BIN3: variants seen among roughly 807,000 people sequenced by gnomAD.
BIN3 encodes bridging integrator 3.
Under a neutral mutation model 38.2 loss-of-function variants are expected in BIN3, and 41 were observed. The observed-to-expected ratio is 1.07, with a 90% CI of 0.84 to 1.39. The LOEUF is 1.39. Ranked by LOEUF, BIN3 falls within the 40% of genes most tolerant of loss-of-function variation. BIN3 has a pLI of 0.00. For missense variants in BIN3, 361 were observed against 324.3 expected, an observed-to-expected ratio of 1.11 and a Z score of -0.87; for synonymous variants, 145 against 122.6, an observed-to-expected ratio of 1.18 and a Z score of -1.21.
chr8:22,627,371 T>C (rs1381211414), intron 6 of BIN3, among the ~76,000 whole-genome samples: 1 of 152,110 alleles, frequency 6.6e-6, no homozygotes, highest in African/African-American at 2.4e-5. Flanking sequence ...TGAGGCCCCA[T>C]CTCCCCGTTT....
Position 22,624,303 on chromosome 8 carries a change from C to T in BIN3, c.399G>A (p.Gln133=), listed in dbSNP as rs1585175952. The T allele has an allele frequency of 1.2e-6, 2 of 1,613,966 alleles. No homozygotes were observed. Among genetic ancestry groups the T allele is most frequent in the South Asian group, 1.1e-5 (1 of 91,082 alleles). ...CCTTGGCCTGCAGCCTCCTGTAGTC[C>T]TGCAAGGCCTGTTCCCGCCTCTTCA... ...MAVKRREQAL[Q]DYRRLQAKVE... The change falls in exon 7 of 9, where the codon CAG becomes CAA. Residue 133 remains glutamine, a synonymous_variant. Transcript: ENST00000276416.
intron 1 of BIN3, among the ~76,000 whole-genome samples, chr8:22,653,839 T>G (rs1293093432): frequency 6.9e-6 from 1 of 145,370 alleles, no homozygotes; most frequent in African/African-American, 2.5e-5. Context: ...TTTGTAAGTT[T>G]CACACCTTAA....
At chr8:22,631,146 A>G (rs367797600) in intron 4 of BIN3, among the ~76,000 whole-genome samples, 2 of 152,192 alleles carry the variant, frequency 1.3e-5, no homozygotes, top group East Asian at 1.9e-4. Flanking sequence ...GGCTGTTTCA[A>G]TAAAACTTTA....
chr8:22,657,174 A>G (rs1201066932), intron 1 of BIN3, among the ~76,000 whole-genome samples: 1 of 152,242 alleles, frequency 6.6e-6, no homozygotes, highest in Admixed American at 6.5e-5. Context: ...TGCACATAGT[A>G]AGCACCGGAT....
chr8:22,636,513 A>T lies in BIN3; in HGVS notation c.160+12T>A. On this transcript the variant is annotated intron_variant, in intron 4 of 8. Coordinates refer to ENST00000276416, the MANE Select transcript of BIN3 (RefSeq NM_018688.6). ...CTGCTCAAGCGAGTGGTGCGGGTGG[A>T]AAGTCACCTACCCAGGTCTGCGTCG... The T allele has an allele frequency of 1.3e-6, 2 of 1,551,864 alleles. No homozygotes were observed. The highest frequency in any genetic ancestry group is 8.7e-7 in the Non-Finnish European group (1 of 1,147,178).
chr8:22,640,657 G>A (rs942693834), intron 2 of BIN3, among the ~76,000 whole-genome samples: 35 of 152,200 alleles, frequency 2.3e-4, no homozygotes, highest in African/African-American at 8.4e-4. Context: ...GGGGTGCTGA[G>A]TGTTAGCTGA....
At chr8:22,656,244 T>G (rs1206901618) in intron 1 of BIN3, among the ~76,000 whole-genome samples, 1 of 146,942 alleles carries the variant, frequency 6.8e-6, no homozygotes, top group Non-Finnish European at 1.5e-5. Context: ...TTTTTTCATA[T>G]CCATCTCCTC....
At chr8:22,665,608 G>C (rs1326872702) in intron 1 of BIN3, among the ~76,000 whole-genome samples, 2 of 152,110 alleles carry the variant, frequency 1.3e-5, no homozygotes, top group African/African-American at 4.8e-5. Flanking sequence ...TGAGTGAAGG[G>C]GAAACATTTC....
intron 6 of BIN3, 89 bp downstream of exon 6, chr8:22,629,875 C>G (rs6558170): frequency 0.72 from 927,757 of 1,287,890 alleles, 336,124 homozygotes; most frequent in South Asian, 0.81. Context: ...TCTGGGGACA[C>G]GCAGCTAGAA....
intron 1 of BIN3, among the ~76,000 whole-genome samples, chr8:22,666,431 A>G (rs1016959666): frequency 1.3e-5 from 2 of 151,902 alleles, no homozygotes; most frequent in East Asian, 1.9e-4. Context: ...AGAGAAAAAG[A>G]GAGCGAGAGA....
chr8:22,644,396 T>C (rs1174181848), intron 2 of BIN3, among the ~76,000 whole-genome samples: 1 of 152,228 alleles, frequency 6.6e-6, no homozygotes. Flanking sequence ...GCCTGGGCAG[T>C]GTCTTTGGTG....
At chr8:22,628,533 G>A (rs553217553) in intron 6 of BIN3, among the ~76,000 whole-genome samples, 4 of 152,278 alleles carry the variant, frequency 2.6e-5, no homozygotes, top group African/African-American at 7.2e-5. Context: ...CCTCTGCCAC[G>A]CCCCCACCTT....
intron 1 of BIN3, among the ~76,000 whole-genome samples, chr8:22,660,388 A>G (rs1393239088): frequency 6.6e-6 from 1 of 152,270 alleles, no homozygotes; most frequent in Non-Finnish European, 1.5e-5. Context: ...ACAGTGGCTT[A>G]GACTCTGAGA....
At chr8:22,668,972 G>C (rs1045473942) in intron 1 of BIN3, 72 bp downstream of exon 1, 1 of 1,544,876 alleles carries the variant, frequency 6.5e-7, no homozygotes, top group Non-Finnish European at 8.8e-7. Flanking sequence ...GCCGGGACGC[G>C]GCACTGACAC....
chr8:22,636,863 G>A (rs1802383656), intron 3 of BIN3, 59 bp downstream of exon 3: 9 of 1,563,438 alleles, frequency 5.8e-6, no homozygotes, highest in Admixed American at 1.7e-5. Flanking sequence ...GGTGAGACCT[G>A]GCAGGGGGCC....
chr8:22,622,119 G>C (rs1404165743), intron 8 of BIN3, among the ~76,000 whole-genome samples: 1 of 152,216 alleles, frequency 6.6e-6, no homozygotes, highest in Admixed American at 6.5e-5. Context: ...GGTCCCTCTA[G>C]GGAGGCACCA....
chr8:22,659,536 C>T (rs540132180), intron 1 of BIN3, among the ~76,000 whole-genome samples: 2 of 152,282 alleles, frequency 1.3e-5, no homozygotes, highest in African/African-American at 4.8e-5. Flanking sequence ...GAGAGCTGGG[C>T]GATCATCTCA....
intron 1 of BIN3, among the ~76,000 whole-genome samples, chr8:22,657,485 C>G (rs1008324188): frequency 1.3e-5 from 2 of 152,180 alleles, no homozygotes; most frequent in Non-Finnish European, 2.9e-5. Context: ...CAAAGCCTGA[C>G]GAAGTTATTG....
chr8:22,657,098 T>C (rs1440301519), intron 1 of BIN3, among the ~76,000 whole-genome samples: 2 of 152,224 alleles, frequency 1.3e-5, no homozygotes, highest in African/African-American at 2.4e-5. Flanking sequence ...TGCTAGGTTC[T>C]AGGGATATCA....
Sources: gnomAD v4.1 joint callset for allele counts (sites outside exome capture counted in the v4.1 genomes callset) on GRCh38, gnomAD v4.1.1 for gene constraint, MANE v1.5 for transcripts, NCBI Gene and HGNC (gene_info 2026-07-23, HGNC 2026-07-21) for gene names.